Variants in DDIAS observed in about 807,000 individuals in gnomAD.
DDIAS encodes the protein DNA damage induced apoptosis suppressor.
Under a neutral mutation model 15.7 loss-of-function variants are expected in DDIAS, and 14 were observed. The observed-to-expected ratio is 0.89, with a 90% CI of 0.59 to 1.39. The LOEUF is 1.39. Among genes scored for constraint, DDIAS ranks in the 40% most tolerant of loss-of-function variants. DDIAS has a pLI of 0.00. For synonymous variants in DDIAS, 355 were observed against 395.9 expected (o/e 0.90, Z 1.23); for missense variants, 1,035 against 1,130.9 (o/e 0.92, Z 1.22).
At chr11:82,928,060 A>C (rs1324388724) in intron 3 of DDIAS, among the ~76,000 whole-genome samples, 1 of 152,136 alleles carries the variant, frequency 6.6e-6, no homozygotes, top group Non-Finnish European at 1.5e-5. Context: ...TAATCTGATA[A>C]GTTATCAACA....
rs780116121 is a variant in DDIAS at position 82,933,964 on chromosome 11, G to A, written c.2626G>A (p.Asp876Asn). Residue 876 changes from aspartate to asparagine, a missense_variant, in exon 6 of 6, where the codon GAT (aspartate) becomes AAT (asparagine). Asp to Asn is a conservative substitution (Grantham distance 23). Coordinates refer to ENST00000533655, the MANE Select transcript of DDIAS (RefSeq NM_145018.4). ...PPTTQKIFPS[D>N]MLGFQGIGLG... ...TACCACACAAAAAATATTTCCTTCA[G>A]ATATGCTTGGATTCCAAGGCATAGG... 1.2e-6 allele frequency: 2 copies of A among 1,612,738 alleles called. No individual in the cohort carries two copies. Among genetic ancestry groups the A allele is most frequent in the Non-Finnish European group, 1.7e-6 (2 of 1,179,708 alleles).
At chr11:82,916,401 T>C (rs1860633415) in intron 3 of DDIAS, among the ~76,000 whole-genome samples, 1 of 152,148 alleles carries the variant, frequency 6.6e-6, no homozygotes, top group Admixed American at 6.6e-5. Flanking sequence ...AACCCTGCCA[T>C]TATAGCTGTG....
intron 3 of DDIAS, among the ~76,000 whole-genome samples, chr11:82,923,050 G>A (rs1369553057): frequency 6.6e-6 from 1 of 152,194 alleles, no homozygotes; most frequent in African/African-American, 2.4e-5. Flanking sequence ...AATCGTTTAT[G>A]GGTGTCTCGG....
intron 3 of DDIAS, among the ~76,000 whole-genome samples, chr11:82,916,256 A>G (rs1860631164): frequency 6.6e-6 from 1 of 152,242 alleles, no homozygotes; most frequent in African/African-American, 2.4e-5. Flanking sequence ...AGTAGAATAC[A>G]TAACATATAT....
chr11:82,926,183 G>A (rs1013513424), intron 3 of DDIAS, among the ~76,000 whole-genome samples: 1 of 148,546 alleles, frequency 6.7e-6, no homozygotes, highest in Non-Finnish European at 1.5e-5. Flanking sequence ...TCTGCCGCCT[G>A]AGCTCAAGCA....
At chr11:82,924,540 C>A (rs1366363147) in intron 3 of DDIAS, among the ~76,000 whole-genome samples, 1 of 152,164 alleles carries the variant, frequency 6.6e-6, no homozygotes, top group African/African-American at 2.4e-5. Context: ...TGAGGCTGGG[C>A]ATAGTAGCTC....
chr11:82,919,988 G>A (rs148385154), intron 3 of DDIAS, among the ~76,000 whole-genome samples: 12 of 152,290 alleles, frequency 7.9e-5, no homozygotes, highest in Admixed American at 2.0e-4. Context: ...CTCCCAAAGC[G>A]CTGGGATTAC....
At chr11:82,907,424 A>C (rs763583002) in intron 1 of DDIAS, among the ~76,000 whole-genome samples, 6 of 152,242 alleles carry the variant, frequency 3.9e-5, no homozygotes, top group African/African-American at 9.6e-5. Flanking sequence ...TTAATAAAGA[A>C]AGACTTTTTA....
In DDIAS at chr11:82,914,745, A is replaced by G; in HGVS notation, c.7A>G (p.Arg3Gly). Residue 3 changes from arginine to glycine, a missense_variant, in exon 3 of 6, where the codon AGA becomes GGA. Arg to Gly is a moderately radical substitution (Grantham distance 125). Coordinates refer to ENST00000533655, the MANE Select transcript of DDIAS (RefSeq NM_145018.4). MN[R>G]RRKFLLASVL... is the part of the protein sequence containing the mutation. ...CAGACCACGGTGTGAACACATGAAC[A>G]GAAGACGAAAATTTCTTCTAGCCTC... 1 of 1,596,072 alleles carries G rather than the reference A, an allele frequency of 6.3e-7. No homozygotes were observed. Among genetic ancestry groups the G allele is most frequent in the South Asian group, 1.1e-5 (1 of 90,558 alleles).
chr11:82,930,815 G>C (rs959518288), intron 5 of DDIAS, among the ~76,000 whole-genome samples: 1 of 151,994 alleles, frequency 6.6e-6, no homozygotes, highest in Non-Finnish European at 1.5e-5. Context: ...ATGCTAAAGG[G>C]AACAAAGAGA....
intron 3 of DDIAS, among the ~76,000 whole-genome samples, chr11:82,925,867 A>G (rs1860850012): frequency 6.6e-6 from 1 of 151,336 alleles, no homozygotes; most frequent in South Asian, 2.1e-4. Context: ...GGGCACCTGT[A>G]GTCCCAGCTA....
chr11:82,911,969 C>T (rs899752288), intron 1 of DDIAS, among the ~76,000 whole-genome samples: 1 of 152,114 alleles, frequency 6.6e-6, no homozygotes, highest in Non-Finnish European at 1.5e-5. Flanking sequence ...TGAAAGGAAT[C>T]TTTTTTTCTG....
chr11:82,921,368 G>A (rs1411368661), intron 3 of DDIAS, among the ~76,000 whole-genome samples: 2 of 151,988 alleles, frequency 1.3e-5, no homozygotes, highest in South Asian at 2.1e-4. Context: ...TACATTCGAT[G>A]TTAGTATTGA....
chr11:82,912,023 T>G (rs1029680794), intron 1 of DDIAS, among the ~76,000 whole-genome samples: 3 of 152,310 alleles, frequency 2.0e-5, no homozygotes, highest in Non-Finnish European at 4.4e-5. Flanking sequence ...CAGTAAATCA[T>G]GCCATAAACA....
intron 1 of DDIAS, among the ~76,000 whole-genome samples, chr11:82,906,513 A>C (rs1343179446): frequency 6.6e-6 from 1 of 152,162 alleles, no homozygotes; most frequent in Non-Finnish European, 1.5e-5. Context: ...CTGCCCAATT[A>C]GCAATTTTTT....
At chr11:82,909,507 C>T (rs1159864177) in intron 1 of DDIAS, among the ~76,000 whole-genome samples, 1 of 152,152 alleles carries the variant, frequency 6.6e-6, no homozygotes, top group Non-Finnish European at 1.5e-5. Context: ...GATGGAGTTG[C>T]TTTTTTATTC....
chr11:82,925,310 A>G (rs773378517), intron 3 of DDIAS, among the ~76,000 whole-genome samples: 1 of 152,200 alleles, frequency 6.6e-6, no homozygotes, highest in South Asian at 2.1e-4. Flanking sequence ...AGAAATGTAG[A>G]TAGAAGCCAG....
intron 1 of DDIAS, among the ~76,000 whole-genome samples, chr11:82,910,101 T>A (rs1860497660): frequency 6.6e-6 from 1 of 152,184 alleles, no homozygotes; most frequent in Non-Finnish European, 1.5e-5. Flanking sequence ...GATGCCAGTG[T>A]CAAAAACAGC....
chr11:82,917,393 T>C (rs1459577008), intron 3 of DDIAS, among the ~76,000 whole-genome samples: 4 of 150,922 alleles, frequency 2.7e-5, no homozygotes, highest in African/African-American at 7.3e-5. Flanking sequence ...TGAGAACATA[T>C]GGTGTTTGAT....
Sources: allele counts gnomAD v4.1 joint callset (sites outside exome capture counted in the v4.1 genomes callset), GRCh38; gene constraint gnomAD v4.1.1; transcripts MANE v1.5; gene names NCBI Gene and HGNC (gene_info 2026-07-23, HGNC 2026-07-21).